The following PDPN variants were observed in gnomAD, a reference collection of about 807,000 sequenced individuals.
PDPN encodes podoplanin.
Under a neutral mutation model 23.2 loss-of-function variants are expected in PDPN, and 12 were observed. That is an observed-to-expected ratio of 0.52 (90% CI 0.33 to 0.84). The LOEUF is 0.84. PDPN is among the 40% of genes least tolerant of loss of function. PDPN has a pLI of 0.02. For missense variants in PDPN, 199 were observed against 212.2 expected (o/e 0.94, Z 0.39); for synonymous variants, 77 against 76.7 (o/e 1.00, Z -0.02).
chr1:13,616,145 A>G lies in PDPN; in HGVS notation c.*234A>G, dbSNP rs1232983662. 1 of 569,358 alleles carries G rather than the reference A, an allele frequency of 1.8e-6. No individual in the cohort carries two copies. The highest frequency in any genetic ancestry group is 3.1e-6 in the Non-Finnish European group (1 of 319,906). 35.3% of individuals were successfully genotyped at this position (569,358 alleles called of 1,614,324 possible). A position where few individuals can be genotyped will look rare whatever the true frequency, so the allele number is the denominator to read the frequency against. The stretch of plus-strand genomic sequence containing the variant: ...CATGTTTTTGAATATACATTCTATA[A>G]AAGATTATTTGAAAGACAAAATTCA... On this transcript the variant is annotated 3_prime_UTR_variant, in exon 6 of 6. Coordinates refer to ENST00000621990, the MANE Select transcript of PDPN (RefSeq NM_006474.5).
intron 5 of PDPN, chr1:13,614,998 A>G (rs980434859): frequency 1.8e-5 from 6 of 337,836 alleles, no homozygotes; most frequent in Non-Finnish European, 3.4e-5. Context: ...ACCCAAACCA[A>G]GTTTTAATCT....
chr1:13,599,011 C>CTTTTTTT (rs35244657), intron 1 of PDPN, among the ~76,000 whole-genome samples: 8 of 127,048 alleles, frequency 6.3e-5, no homozygotes, highest in East Asian at 2.3e-4. Flanking sequence ...GCCCCCCCTC[C>CTTTTTTT]TTTTTTTTTT....
intron 1 of PDPN, among the ~76,000 whole-genome samples, chr1:13,606,582 C>T (rs374336356): frequency 1.3e-5 from 2 of 151,990 alleles, no homozygotes; most frequent in African/African-American, 2.4e-5. Context: ...ACGGGAGGAT[C>T]GCTTGAGCCC....
At chr1:13,599,241 C>A (rs1640577754) in intron 1 of PDPN, among the ~76,000 whole-genome samples, 1 of 151,680 alleles carries the variant, frequency 6.6e-6, no homozygotes, top group Non-Finnish European at 1.5e-5. Context: ...GATCTCCTGA[C>A]CGTGTGATCC....
chr1:13,599,186 A>G (rs1159637545), intron 1 of PDPN, among the ~76,000 whole-genome samples: 1 of 144,710 alleles, frequency 6.9e-6, no homozygotes, highest in East Asian at 2.1e-4. Context: ...AATTTTTTGT[A>G]TTTTAGTAGA....
chr1:13,609,690 T>C (rs1202755123), intron 2 of PDPN, among the ~76,000 whole-genome samples: 1 of 152,244 alleles, frequency 6.6e-6, no homozygotes, highest in Non-Finnish European at 1.5e-5. Context: ...AGTACTTGTC[T>C]TTTGTGACTG....
chr1:13,589,373 C>T (rs1198803590), intron 1 of PDPN, among the ~76,000 whole-genome samples: 2 of 152,150 alleles, frequency 1.3e-5, no homozygotes. Context: ...TAATGGGAAA[C>T]AGTTTGTTCT....
intron 5 of PDPN, chr1:13,614,898 C>T (rs749588283): frequency 6.1e-6 from 3 of 488,354 alleles, no homozygotes; most frequent in African/African-American, 2.0e-5. Flanking sequence ...AGAGTCAGAG[C>T]CAGAGGTGGC....
chr1:13,584,175 G>A (rs745975514), intron 1 of PDPN, 75 bp downstream of exon 1: 67 of 1,557,780 alleles, frequency 4.3e-5, no homozygotes, highest in Non-Finnish European at 5.8e-5. Flanking sequence ...GAATGCCCGG[G>A]CCTGGTATTC....
In PDPN at chr1:13,604,182, A is replaced by G. The variant is rs530098793; in HGVS notation, c.68-2991A>G. 1.3e-4 allele frequency among the ~76,000 whole-genome samples: 20 copies of G among 152,318 alleles called. No homozygotes were observed. The East Asian group carries it at 3.9e-3, about 29-fold the overall frequency. On this transcript the variant is annotated intron_variant, in intron 1 of 5. Coordinates refer to ENST00000621990, the MANE Select transcript of PDPN (RefSeq NM_006474.5). ...TGTATGCGTGTGTGCGTGCATATGT[A>G]TGCCTGTGCATACATATGTCTTGGG... is the stretch of plus-strand genomic sequence containing the variant.
chr1:13,586,456 G>A (rs534711621), intron 1 of PDPN, among the ~76,000 whole-genome samples: 11 of 152,228 alleles, frequency 7.2e-5, no homozygotes, highest in South Asian at 2.1e-4. Context: ...AAGTCTGGAC[G>A]TGGCCAAAGG....
chr1:13,590,317 C>T (rs1487780648), intron 1 of PDPN, among the ~76,000 whole-genome samples: 2 of 152,198 alleles, frequency 1.3e-5, no homozygotes, highest in East Asian at 1.9e-4. Flanking sequence ...GTGATTGTAG[C>T]TTGCAAAGAG....
At chr1:13,584,451 C>A in intron 1 of PDPN, 1 of 722,970 alleles carries the variant, frequency 1.4e-6, no homozygotes, top group Non-Finnish European at 2.2e-6. Context: ...GGTTTCCTTC[C>A]CATAGAGCGG....
chr1:13,605,725 C>T (rs768629252), intron 1 of PDPN, among the ~76,000 whole-genome samples: 10 of 152,086 alleles, frequency 6.6e-5, no homozygotes, highest in African/African-American at 1.2e-4. Flanking sequence ...CATGTTCAAG[C>T]GATTCTCCTG....
intron 1 of PDPN, among the ~76,000 whole-genome samples, chr1:13,591,073 C>T (rs1350485759): frequency 2.6e-5 from 4 of 152,036 alleles, no homozygotes; most frequent in Admixed American, 2.6e-4. Flanking sequence ...TCCTGAGTAG[C>T]TGGGATTACA....
At chr1:13,606,491 G>A (rs1640792847) in intron 1 of PDPN, among the ~76,000 whole-genome samples, 1 of 152,082 alleles carries the variant, frequency 6.6e-6, no homozygotes, top group South Asian at 2.1e-4. Context: ...AAAATTAAAT[G>A]GAGAGAGAGT....
rs1011822704 is a variant in PDPN at position 13,616,237 on chromosome 1, A to G, written c.*326A>G. 2 of 385,054 alleles carry G rather than the reference A, an allele frequency of 5.2e-6. No homozygotes were observed. Among genetic ancestry groups the G allele is most frequent in the Non-Finnish European group, 9.5e-6 (2 of 211,378 alleles). The allele number at this position is 385,054 out of a possible 1,614,324, so 23.9% of individuals were successfully genotyped here. A position where few individuals can be genotyped will look rare whatever the true frequency, so the allele number is the denominator to read the frequency against. On this transcript the variant is annotated 3_prime_UTR_variant, in exon 6 of 6. Transcript: ENST00000621990. ...CACTGGACCATTGGATCGATATTAT[A>G]TGCTGTAACCATGTGTCTCCGTCTG...
At chr1:13,584,171 C>T (rs994994854) in intron 1 of PDPN, 71 bp downstream of exon 1, 1 of 1,568,274 alleles carries the variant, frequency 6.4e-7, no homozygotes, top group Admixed American at 1.8e-5. Flanking sequence ...GCTGGAATGC[C>T]CGGGCCTGGT....
chr1:13,593,184 A>T (rs1418706042), intron 1 of PDPN, among the ~76,000 whole-genome samples: 2 of 152,246 alleles, frequency 1.3e-5, no homozygotes, highest in Non-Finnish European at 2.9e-5. Flanking sequence ...CACGATAGAC[A>T]CATAGGAATG....
Sources: allele counts gnomAD v4.1 joint callset (sites outside exome capture counted in the v4.1 genomes callset), GRCh38; gene constraint gnomAD v4.1.1; transcripts MANE v1.5; gene names NCBI Gene and HGNC (gene_info 2026-07-23, HGNC 2026-07-21).